The following AGFG1 variants were observed in gnomAD, a reference collection of about 807,000 sequenced individuals.
AGFG1 encodes the protein arf-GAP domain and FG repeat-containing protein 1.
In AGFG1, 10 loss-of-function variants were observed where a neutral mutation model predicts 60.6. That is an observed-to-expected ratio of 0.16 (90% CI 0.10 to 0.28). The LOEUF (loss-of-function observed/expected upper bound fraction) is 0.28, where lower values mean the gene tolerates loss of function less well. Ranked by LOEUF, AGFG1 falls within the 10% of genes least tolerant of loss-of-function variation. The pLI is 1.00. For synonymous variants in AGFG1, 247 were observed against 242.9 expected (o/e 1.02, Z -0.16); for missense variants, 537 against 676.5 (o/e 0.79, Z 2.29).
At chr2:227,535,386 T>G (rs1167755070) in intron 8 of AGFG1, among the ~76,000 whole-genome samples, 1 of 152,196 alleles carries the variant, frequency 6.6e-6, no homozygotes, top group East Asian at 1.9e-4. Context: ...GATTAAACAG[T>G]GAAAGTCCCA....
chr2:227,524,836 A>T lies in AGFG1; in HGVS notation c.615A>T (p.Ser205=), dbSNP rs763601084. ...TTGACCTTTTAAGTGATCTCGGCTC[A>T]GACATCTTTGCTGCTCCAGCTCCTC... The part of the protein sequence containing the change: ...KQFDLLSDLG[S]DIFAAPAPQS... The change falls in exon 5 of 13, where the codon TCA becomes TCT. Residue 205 remains serine, a synonymous_variant. Transcript: ENST00000310078. The T allele has an allele frequency of 3.7e-6, 6 of 1,614,046 alleles. No homozygotes were observed. Among genetic ancestry groups the T allele is most frequent in the Non-Finnish European group, 5.1e-6 (6 of 1,180,014 alleles).
In AGFG1 at chr2:227,557,124, C is replaced by G. The variant is rs1405716050; in HGVS notation, c.*2629C>G. 6.6e-6 allele frequency: 1 copy of G among 152,100 alleles called. No homozygotes were observed. Among genetic ancestry groups the G allele is most frequent in the Non-Finnish European group, 1.5e-5 (1 of 68,030 alleles). 9.4% of individuals were successfully genotyped at this position (152,100 alleles called of 1,614,324 possible). On this transcript the variant is annotated 3_prime_UTR_variant, in exon 13 of 13. Transcript: ENST00000310078. ...CCTGGAAGGTAACAAGGCTGAAGAC[C>G]TTCAAATTTCCTGGCTTACTGGTTT...
rs1691944065 is a variant in AGFG1 at position 227,524,914 on chromosome 2, A to T, written c.693A>T (p.Ala231=). 4 of 1,613,996 alleles carry T rather than the reference A, an allele frequency of 2.5e-6. No individual in the cohort carries two copies. The highest frequency in any genetic ancestry group is 3.4e-6 in the Non-Finnish European group (4 of 1,179,888). ...FANFAHFNSH[A]AQNSANADFA... ...ACTTTGCACATTTCAACAGTCATGC[A>T]GGTAAGTGTTTTTTCCCAACAGCTT... The change falls in exon 5 of 13, where the codon GCA becomes GCT. Residue 231 remains alanine, a splice_region_variant and synonymous_variant. Coordinates refer to ENST00000310078, the MANE Select transcript of AGFG1 (RefSeq NM_004504.5).
At position 227,531,208 on chromosome 2, in the gene AGFG1, C is replaced by T. The variant is rs776414767; in HGVS notation, c.812C>T (p.Thr271Ile). ...CACTCTCCTTTTCAGCCCCAAACTA[C>T]AGGTAGAGCTTCTCCAGCATTGTGC... is the stretch of plus-strand genomic sequence containing the variant. Reference protein sequence around the residue: ...ASHSPFQPQTTGGSAASVNAN... With the variant: ...ASHSPFQPQTIGGSAASVNAN... Residue 271 changes from threonine to isoleucine, a missense_variant and splice_region_variant, in exon 6 of 13, where the codon ACA (threonine) becomes ATA (isoleucine). Thr to Ile is a moderately conservative substitution (Grantham distance 89). This residue lies in a region of AGFG1 where 287 missense variants were observed against 343.6 expected (regional missense o/e 0.84). Coordinates refer to ENST00000310078, the MANE Select transcript of AGFG1 (RefSeq NM_004504.5). 1 of 1,612,940 alleles carries T rather than the reference C, an allele frequency of 6.2e-7. No homozygotes were observed. The highest frequency in any genetic ancestry group is 1.3e-5 in the African/African-American group (1 of 74,854).
At chr2:227,508,082 G>C (rs1691380898) in intron 2 of AGFG1, among the ~76,000 whole-genome samples, 1 of 151,608 alleles carries the variant, frequency 6.6e-6, no homozygotes, top group Non-Finnish European at 1.5e-5. Flanking sequence ...CCCACCTCTT[G>C]GTTTATTTAC....
At chr2:227,518,700 A>G (rs530592053) in intron 2 of AGFG1, among the ~76,000 whole-genome samples, 1 of 151,402 alleles carries the variant, frequency 6.6e-6, no homozygotes, top group Non-Finnish European at 1.5e-5. Flanking sequence ...ATTTTTTTGT[A>G]TTTTTAGTAG....
chr2:227,494,027 T>C (rs757874289), intron 2 of AGFG1, among the ~76,000 whole-genome samples: 5 of 151,668 alleles, frequency 3.3e-5, no homozygotes, highest in Non-Finnish European at 5.9e-5. Flanking sequence ...CTAGGAAATA[T>C]ACTAACCTTG....
Position 227,536,931 on chromosome 2 carries a change from C to T in AGFG1, c.1316C>T (p.Ala439Val), listed in dbSNP as rs761551270. 9.9e-6 allele frequency: 16 copies of T among 1,612,770 alleles called. 1 individual carries two copies. In the South Asian group the frequency reaches 1.7e-4, roughly 17 times the overall value. The change falls in exon 10 of 13, where the codon GCT becomes GTT. Residue 439 changes from alanine to valine, a missense_variant. By Grantham distance (64) the Ala-to-Val change is moderately conservative. Transcript: ENST00000310078. The part of the protein sequence containing the change: ...ATPSTNPFVA[A>V]AGPSVASSTN... ...CCTTCCACAAATCCATTTGTTGCTG[C>T]TGCTGGTCCTTCTGTGGCATCTTCT... is the stretch of plus-strand genomic sequence containing the variant.
At chr2:227,510,468 T>G (rs1691463208) in intron 2 of AGFG1, among the ~76,000 whole-genome samples, 1 of 151,852 alleles carries the variant, frequency 6.6e-6, no homozygotes, top group African/African-American at 2.4e-5. Context: ...AAGTAGTACT[T>G]TAGAGAAGCA....
rs780421577 is a variant in AGFG1 at position 227,551,943 on chromosome 2, C to T, written c.1379-16C>T. Reference sequence around the variant, plus strand: ...ATCCTGTTGTATGTAACTGATCAGCCCTTCTCTTCTGTCAGCGGCAACCTT... The same window carrying T: ...ATCCTGTTGTATGTAACTGATCAGCTCTTCTCTTCTGTCAGCGGCAACCTT... On this transcript the variant is annotated splice_polypyrimidine_tract_variant and intron_variant, in intron 10 of 12. Coordinates refer to ENST00000310078, the MANE Select transcript of AGFG1 (RefSeq NM_004504.5). 1.7e-5 allele frequency: 27 copies of T among 1,612,640 alleles called. No individual in the cohort carries two copies. The South Asian group carries it at 2.4e-4, about 14-fold the overall frequency.
chr2:227,560,429 A>T lies in AGFG1; in HGVS notation c.*5934A>T, dbSNP rs1417064713. The T allele has an allele frequency of 1.4e-5, 1 of 70,130 alleles. No homozygotes were observed. Among genetic ancestry groups the T allele is most frequent in the Non-Finnish European group, 3.2e-5 (1 of 30,812 alleles). 4.3% of individuals were successfully genotyped at this position (70,130 alleles called of 1,614,324 possible). ...ATTCTTCCATTTAAAGAAGAAAAAA[A>T]ATCTCTCTGACTATCTGAAGATATA... On this transcript the variant is annotated 3_prime_UTR_variant, in exon 13 of 13. Transcript: ENST00000310078.
intron 1 of AGFG1, among the ~76,000 whole-genome samples, chr2:227,490,416 A>C (rs1690774673): frequency 6.6e-6 from 1 of 152,030 alleles, no homozygotes; most frequent in Non-Finnish European, 1.5e-5. Flanking sequence ...GTCTCTACTA[A>C]AAATACAAAA....
intron 2 of AGFG1, among the ~76,000 whole-genome samples, chr2:227,497,761 T>TTTTTTTTTTG (rs546987888): frequency 4.4e-4 from 29 of 65,204 alleles, no homozygotes; most frequent in East Asian, 2.2e-3. Flanking sequence ...TTTTTTTTTT[T>TTTTTTTTTTG]GGGGACGGAG....
chr2:227,497,468 C>G (rs558799636), intron 2 of AGFG1, among the ~76,000 whole-genome samples: 2 of 152,054 alleles, frequency 1.3e-5, no homozygotes, highest in African/African-American at 4.8e-5. Flanking sequence ...CTTTTCTCTT[C>G]TAATCCCATC....
intron 1 of AGFG1, among the ~76,000 whole-genome samples, chr2:227,490,143 T>TA (rs1255477148): frequency 2.6e-5 from 4 of 152,190 alleles, no homozygotes; most frequent in Non-Finnish European, 5.9e-5. Flanking sequence ...TCTAGAATGT[T>TA]ACGCACCATA....
chr2:227,545,936 G>C (rs1260517351), intron 10 of AGFG1, among the ~76,000 whole-genome samples: 1 of 152,196 alleles, frequency 6.6e-6, no homozygotes, highest in African/African-American at 2.4e-5. Context: ...GCTACTGCGG[G>C]GGTCAGGGAC....
chr2:227,531,867 T>A, intron 6 of AGFG1, among the ~76,000 whole-genome samples: 1 of 152,136 alleles, frequency 6.6e-6, no homozygotes, highest in East Asian at 1.9e-4. Context: ...TGAGAAAAAT[T>A]TTTATATGTT....
chr2:227,481,486 A>G (rs551411034), intron 1 of AGFG1, among the ~76,000 whole-genome samples: 1 of 152,140 alleles, frequency 6.6e-6, no homozygotes, highest in East Asian at 1.9e-4. Flanking sequence ...AAATCTTGAT[A>G]TGTCCTGTGG....
intron 5 of AGFG1, 120 bp downstream of exon 5, chr2:227,525,035 G>C (rs1293477672): frequency 1.7e-6 from 2 of 1,156,012 alleles, no homozygotes; most frequent in South Asian, 1.4e-5. Context: ...TTTGTCACTT[G>C]TAACTGTTGA....
Sources: gnomAD v4.1 joint callset for allele counts (sites outside exome capture counted in the v4.1 genomes callset) on GRCh38, gnomAD v4.1.1 for gene constraint, gnomAD v4.1.1 regional missense constraint, MANE v1.5 for transcripts, NCBI Gene and HGNC (gene_info 2026-07-23, HGNC 2026-07-21) for gene names.